Variants in PCDH9 observed in about 807,000 individuals in gnomAD.
PCDH9 encodes protocadherin-9.
PCDH9 carries 24 observed loss-of-function variants against 70.6 expected under a neutral mutation model. The ratio of observed to expected loss-of-function variants is 0.34; its 90% CI spans 0.25 to 0.48. PCDH9 has a LOEUF of 0.48. Among genes scored for constraint, PCDH9 ranks in the 20% least tolerant of loss-of-function variants. The pLI is 0.99. For missense variants in PCDH9, 1,281 were observed against 1,503.6 expected, an observed-to-expected ratio of 0.85 and a Z score of 2.45; for synonymous variants, 562 against 558.5, an observed-to-expected ratio of 1.01 and a Z score of -0.09.
intron 4 of PCDH9, among the ~76,000 whole-genome samples, chr13:66,593,572 C>T (rs917401537): frequency 2.0e-5 from 3 of 151,510 alleles, no homozygotes; most frequent in Admixed American, 1.3e-4. Context: ...TAAAATACCT[C>T]GTGGTTTTTC....
At chr13:66,780,551 G>A (rs759677880) in intron 3 of PCDH9, among the ~76,000 whole-genome samples, 5 of 151,976 alleles carry the variant, frequency 3.3e-5, no homozygotes, top group African/African-American at 4.8e-5. Flanking sequence ...CTCTTTCCTT[G>A]GGATATTCAG....
At chr13:67,177,978 A>G (rs898362545) in intron 2 of PCDH9, among the ~76,000 whole-genome samples, 10 of 152,070 alleles carry the variant, frequency 6.6e-5, no homozygotes, top group Non-Finnish European at 1.2e-4. Context: ...CCTGCTCAAT[A>G]AGGGAAAGCA....
At chr13:66,333,125 G>A (rs991516182) in intron 4 of PCDH9, among the ~76,000 whole-genome samples, 2 of 152,058 alleles carry the variant, frequency 1.3e-5, no homozygotes, top group Non-Finnish European at 2.9e-5. Context: ...ACTAGCCCAT[G>A]TCAAATGCAA....
chr13:66,379,201 T>G (rs12853424), intron 4 of PCDH9, among the ~76,000 whole-genome samples: 10,482 of 152,286 alleles, frequency 0.069, 481 homozygotes, highest in Admixed American at 0.12. Context: ...TCCGGCCATC[T>G]GTCCTACCAT....
chr13:66,309,097 G>A (rs1955519916), intron 4 of PCDH9, among the ~76,000 whole-genome samples: 1 of 151,978 alleles, frequency 6.6e-6, no homozygotes, highest in African/African-American at 2.4e-5. Flanking sequence ...GCTTCGGTAA[G>A]TTTTTATTTT....
intron 4 of PCDH9, among the ~76,000 whole-genome samples, chr13:66,474,628 T>C (rs1252735097): frequency 1.3e-5 from 2 of 152,142 alleles, no homozygotes; most frequent in South Asian, 2.1e-4. Context: ...TGATAGTTTG[T>C]TATAATTTTA....
At chr13:66,609,325 TAATATA>T (rs1481337084) in intron 4 of PCDH9, among the ~76,000 whole-genome samples, 76 of 152,256 alleles carry the variant, frequency 5.0e-4, no homozygotes, top group African/African-American at 1.8e-3. Flanking sequence ...TAAAGTAAGT[TAATATA>T]AATATATTTC....
intron 2 of PCDH9, among the ~76,000 whole-genome samples, chr13:67,066,430 C>T (rs2085649498): frequency 6.6e-6 from 1 of 152,106 alleles, no homozygotes; most frequent in Non-Finnish European, 1.5e-5. Flanking sequence ...GACGGGGTTT[C>T]ACCACGTTAG....
chr13:66,323,953 C>T (rs1262082335), intron 4 of PCDH9, among the ~76,000 whole-genome samples: 1 of 152,074 alleles, frequency 6.6e-6, no homozygotes, highest in East Asian at 1.9e-4. Context: ...CTCTGTCTAA[C>T]TTTCTTGGCT....
intron 3 of PCDH9, among the ~76,000 whole-genome samples, chr13:66,657,508 C>T (rs1309142482): frequency 6.6e-6 from 1 of 152,138 alleles, no homozygotes; most frequent in Non-Finnish European, 1.5e-5. Context: ...TAGTTTTTGC[C>T]AGATTAACAT....
intron 4 of PCDH9, among the ~76,000 whole-genome samples, chr13:66,369,310 T>A (rs1956606236): frequency 6.6e-6 from 1 of 152,164 alleles, no homozygotes; most frequent in African/African-American, 2.4e-5. Context: ...TATTTATAGG[T>A]TAATTCTGTA....
chr13:67,043,941 G>T (rs1410318238), intron 2 of PCDH9, among the ~76,000 whole-genome samples: 2 of 151,948 alleles, frequency 1.3e-5, no homozygotes, highest in African/African-American at 4.8e-5. Flanking sequence ...TAAATGCATG[G>T]AAACTTCAAA....
chr13:66,685,360 C>T (rs1035445460), intron 3 of PCDH9, among the ~76,000 whole-genome samples: 1 of 152,302 alleles, frequency 6.6e-6, no homozygotes, highest in African/African-American at 2.4e-5. Flanking sequence ...TGGTGTTGGG[C>T]CTGCAAGTGC....
intron 3 of PCDH9, among the ~76,000 whole-genome samples, chr13:66,773,934 A>G (rs7328555): frequency 0.97 from 147,391 of 151,712 alleles, 71,738 homozygotes; most frequent in East Asian, 1. Flanking sequence ...ACTGCCACCA[A>G]GCCCGGCTAA....
intron 2 of PCDH9, among the ~76,000 whole-genome samples, chr13:66,961,358 T>A (rs1488670392): frequency 1.3e-5 from 2 of 152,180 alleles, no homozygotes; most frequent in Non-Finnish European, 2.9e-5. Flanking sequence ...GTGTTCCCAA[T>A]ACCAGACCCA....
rs147565376 is a variant in PCDH9, at chr13:66,844,861, TA to T, written c.3138+58642del. ...TTCATACTCTCTAGGGCAAAGAAAA[TA>T]AAATGTTAAAAGAAAGCCCAAAAGC... On this transcript the variant is annotated intron_variant, in intron 3 of 4. Transcript: ENST00000377865. Among the ~76,000 whole-genome samples, 1,209 of 151,978 alleles carry T rather than the reference TA, an allele frequency of 8.0e-3. 11 individuals carry two copies. Among genetic ancestry groups the T allele is most frequent in the African/African-American group, 0.027 (1,128 of 41,450 alleles).
At position 67,226,974 on chromosome 13, in the gene PCDH9, T is replaced by C. The variant is rs757335103; in HGVS notation, c.1467A>G (p.Thr489=). The change falls in exon 2 of 5, where the codon ACA becomes ACG. Residue 489 remains threonine, a synonymous_variant. Coordinates refer to ENST00000377865, the MANE Select transcript of PCDH9 (RefSeq NM_203487.3). The surrounding 1 kb of genome is among the most constrained non-coding windows in gnomAD (Gnocchi z 5.0). ...SENNRRGLYL[T]TISATDEDSG... is the part of the protein sequence containing the mutation. ...TGTCTTCATCTGTGGCACTAATAGTTGTTAAGTATAACCCACGTCGGTTGT... is the reference window on the plus strand; with the variant it reads ...TGTCTTCATCTGTGGCACTAATAGTCGTTAAGTATAACCCACGTCGGTTGT... 1.2e-6 allele frequency: 2 copies of C among 1,614,258 alleles called. No homozygotes were observed. The highest frequency in any genetic ancestry group is 1.7e-5 in the Admixed American group (1 of 60,028).
At chr13:66,448,546 A>T (rs952611208) in intron 4 of PCDH9, among the ~76,000 whole-genome samples, 1 of 152,224 alleles carries the variant, frequency 6.6e-6, no homozygotes, top group African/African-American at 2.4e-5. Flanking sequence ...GTGTAAACGG[A>T]AATGTTTGAA....
chr13:67,225,637 A>G lies in PCDH9; in HGVS notation c.2804T>C (p.Leu935Pro), dbSNP rs753097240. ...PTTFKPNSPDLAKHYKSASPQ... is the reference protein window; with the variant it reads ...PTTFKPNSPDPAKHYKSASPQ... ...AGAAGCAGATTTGTAGTGCTTGGCC[A>G]GGTCAGGACTGTTAGGCTTGAATGT... Residue 935 changes from leucine (L) to proline (P), a missense_variant, in exon 2 of 5, where the codon CTG becomes CCG. This residue lies in a region of PCDH9 where 207 missense variants were observed against 191.8 expected (regional missense o/e 1.08). Coordinates refer to ENST00000377865, the MANE Select transcript of PCDH9 (RefSeq NM_203487.3). The G allele has an allele frequency of 6.2e-7, 1 of 1,614,186 alleles. No homozygotes were observed. The highest frequency in any genetic ancestry group is 2.2e-5 in the East Asian group (1 of 44,866).
Sources: gnomAD v4.1 joint callset for allele counts (sites outside exome capture counted in the v4.1 genomes callset) on GRCh38, gnomAD v4.1.1 for gene constraint, gnomAD v4.1.1 regional missense constraint, Gnocchi (gnomAD v3.1) non-coding constraint, MANE v1.5 for transcripts, NCBI Gene and HGNC (gene_info 2026-07-23, HGNC 2026-07-21) for gene names.